The following LRRC72 variants were observed in gnomAD, a reference collection of about 807,000 sequenced individuals.
LRRC72 encodes the protein leucine-rich repeat-containing protein 72.
LRRC72 carries 41 observed loss-of-function variants against 35.8 expected under a neutral mutation model. The observed-to-expected ratio is 1.15, with a 90% CI of 0.89 to 1.49. The LOEUF (loss-of-function observed/expected upper bound fraction) is 1.49, where lower values mean the gene tolerates loss of function less well. LRRC72 is among the 40% of genes most tolerant of loss of function. The probability of loss-of-function intolerance (pLI) is 0.00; values close to 1 mark genes in which losing one functional copy is unlikely to be tolerated. For synonymous variants in LRRC72, 118 were observed against 119.2 expected (o/e 0.99, Z 0.07); for missense variants, 389 against 330.7 (o/e 1.18, Z -1.37).
intron 3 of LRRC72, among the ~76,000 whole-genome samples, chr7:16,538,084 C>A (rs1435180215): frequency 1.3e-5 from 2 of 152,138 alleles, no homozygotes; most frequent in African/African-American, 2.4e-5. Context: ...TAGTCATAGT[C>A]CCAGTTCATA....
At chr7:16,546,652 C>G (rs1053391102) in intron 3 of LRRC72, among the ~76,000 whole-genome samples, 1 of 152,118 alleles carries the variant, frequency 6.6e-6, no homozygotes, top group African/African-American at 2.4e-5. Flanking sequence ...CACACTGGGC[C>G]TCTGGTTCTC....
chr7:16,555,442 G>A (rs544527272), intron 3 of LRRC72, among the ~76,000 whole-genome samples: 1 of 152,234 alleles, frequency 6.6e-6, no homozygotes, highest in Non-Finnish European at 1.5e-5. Flanking sequence ...TTCTGAATCT[G>A]TTCATCAATG....
chr7:16,553,350 C>T (rs947354764), intron 3 of LRRC72, among the ~76,000 whole-genome samples: 1 of 152,180 alleles, frequency 6.6e-6, no homozygotes, highest in African/African-American at 2.4e-5. Context: ...TCTGCTACTA[C>T]TTATGATCTC....
At chr7:16,535,385 G>A (rs1562737352) in intron 2 of LRRC72, among the ~76,000 whole-genome samples, 2 of 152,218 alleles carry the variant, frequency 1.3e-5, no homozygotes, top group South Asian at 4.1e-4. Flanking sequence ...AGGTGGGGAG[G>A]AGAATGAATG....
intron 3 of LRRC72, among the ~76,000 whole-genome samples, chr7:16,545,541 C>A (rs1782430145): frequency 6.6e-6 from 1 of 151,930 alleles, no homozygotes; most frequent in Non-Finnish European, 1.5e-5. Context: ...ACATACAATA[C>A]CTTGTTCCAA....
rs899875888 is a variant in LRRC72, at chr7:16,570,554, C to T, written c.670+3011C>T. Among the ~76,000 whole-genome samples, 3 of 152,172 alleles carry T rather than the reference C, an allele frequency of 2.0e-5. No homozygotes were observed. The East Asian group carries it at 5.8e-4, about 29-fold the overall frequency. ...ATATAACTCGCCAGGCGTGGTGGCT[C>T]ATACCTGTAATCCCAGCACTTTGGG... On this transcript the variant is annotated intron_variant, in intron 7 of 8. Transcript: ENST00000401542.
At chr7:16,546,125 G>C (rs1782439240) in intron 3 of LRRC72, among the ~76,000 whole-genome samples, 1 of 151,626 alleles carries the variant, frequency 6.6e-6, no homozygotes, top group South Asian at 2.1e-4. Flanking sequence ...TATAATTTAG[G>C]GTATATTATT....
chr7:16,546,888 C>A (rs1410278041), intron 3 of LRRC72, among the ~76,000 whole-genome samples: 1 of 152,196 alleles, frequency 6.6e-6, no homozygotes, highest in Non-Finnish European at 1.5e-5. Context: ...CTTCACTCTA[C>A]CACTTCCAAC....
intron 3 of LRRC72, among the ~76,000 whole-genome samples, chr7:16,546,904 G>T (rs1782452719): frequency 6.6e-6 from 1 of 152,144 alleles, no homozygotes; most frequent in Admixed American, 6.5e-5. Context: ...CCAACTGATG[G>T]TGGTGGCAGA....
At chr7:16,561,625 C>G (rs2128337655) in intron 5 of LRRC72, among the ~76,000 whole-genome samples, 1 of 152,304 alleles carries the variant, frequency 6.6e-6, no homozygotes, top group Admixed American at 6.5e-5. Flanking sequence ...AGTTACATAA[C>G]TATAACTTTC....
chr7:16,569,862 C>A (rs942579228), intron 7 of LRRC72, among the ~76,000 whole-genome samples: 5 of 151,924 alleles, frequency 3.3e-5, no homozygotes, highest in African/African-American at 1.2e-4. Context: ...AAAACCCAGT[C>A]TCTATTAAAA....
At chr7:16,580,469 C>A (rs1055552226) in intron 8 of LRRC72, among the ~76,000 whole-genome samples, 1 of 152,076 alleles carries the variant, frequency 6.6e-6, no homozygotes, top group East Asian at 1.9e-4. Flanking sequence ...ATGGTGAAAA[C>A]CTGCCTCTAC....
intron 2 of LRRC72, among the ~76,000 whole-genome samples, chr7:16,536,195 G>A (rs1194640761): frequency 6.6e-6 from 1 of 151,934 alleles, no homozygotes; most frequent in Non-Finnish European, 1.5e-5. Context: ...TGTTAAGGGA[G>A]AAAAAGGAAA....
intron 5 of LRRC72, among the ~76,000 whole-genome samples, chr7:16,563,780 A>G (rs1782781783): frequency 6.6e-6 from 1 of 152,220 alleles, no homozygotes. Context: ...AATGCCTGTC[A>G]AGTTATTTAA....
At chr7:16,564,810 T>A (rs926558519) in intron 5 of LRRC72, among the ~76,000 whole-genome samples, 1 of 148,856 alleles carries the variant, frequency 6.7e-6, no homozygotes, top group Non-Finnish European at 1.5e-5. Flanking sequence ...GATGATTGAT[T>A]TTTTTTTTTT....
intron 2 of LRRC72, among the ~76,000 whole-genome samples, chr7:16,534,301 G>A (rs1204082136): frequency 6.6e-6 from 1 of 152,036 alleles, no homozygotes; most frequent in Non-Finnish European, 1.5e-5. Context: ...CCTTTGACTG[G>A]CCTCACCTTA....
At chr7:16,531,180 C>CTCA (rs1256101165) in intron 1 of LRRC72, among the ~76,000 whole-genome samples, 19 of 117,562 alleles carry the variant, frequency 1.6e-4, no homozygotes, top group African/African-American at 5.9e-4. Flanking sequence ...AAAACTCTCT[C>CTCA]AAAAAAAAAA....
At chr7:16,560,955 T>C (rs1203689603) in intron 5 of LRRC72, among the ~76,000 whole-genome samples, 1 of 152,190 alleles carries the variant, frequency 6.6e-6, no homozygotes, top group African/African-American at 2.4e-5. Context: ...CATCCTATGA[T>C]GTGATTAGAA....
At chr7:16,577,118 G>A (rs1211176922) in intron 7 of LRRC72, among the ~76,000 whole-genome samples, 1 of 152,152 alleles carries the variant, frequency 6.6e-6, no homozygotes, top group Non-Finnish European at 1.5e-5. Flanking sequence ...TGCTACCTAT[G>A]CATGAAGGTT....
Sources: gnomAD v4.1 joint callset for allele counts (sites outside exome capture counted in the v4.1 genomes callset) on GRCh38, gnomAD v4.1.1 for gene constraint, MANE v1.5 for transcripts, NCBI Gene and HGNC (gene_info 2026-07-23, HGNC 2026-07-21) for gene names.